The following CRACDL variants were observed in gnomAD, a reference collection of about 807,000 sequenced individuals.
CRACDL encodes the protein CRACD like.
A neutral mutation model predicts 70.6 loss-of-function variants in CRACDL; 26 were observed. The observed-to-expected ratio is 0.37, with a 90% CI of 0.27 to 0.51. The LOEUF (loss-of-function observed/expected upper bound fraction) is 0.51. Ranked by LOEUF, CRACDL falls within the 20% of genes least tolerant of loss-of-function variation. The probability of loss-of-function intolerance (pLI) is 0.94; values close to 1 mark genes in which losing one functional copy is unlikely to be tolerated. For synonymous variants in CRACDL, 618 were observed against 615.2 expected, an observed-to-expected ratio of 1.00 and a Z score of -0.07; for missense variants, 1,283 against 1,376.9, an observed-to-expected ratio of 0.93 and a Z score of 1.08.
chr2:98,821,874 G>T lies in CRACDL; in HGVS notation c.2399C>A (p.Pro800Gln). ...RKEPRTAEKRPLRRGAEKSLP... is the reference protein window; with the variant it reads ...RKEPRTAEKRQLRRGAEKSLP... ...GCTCTTACCAGCTCCCCTGCGCAGC[G>T]GCCTTTTCTCCGCCGTCCTGGGCTC... is the stretch of plus-strand genomic sequence containing the variant. The change falls in exon 7 of 10, where the codon CCG (proline) becomes CAG (glutamine). Residue 800 changes from proline (P) to glutamine (Q), a missense_variant. This residue lies in a region of CRACDL where 921 missense variants were observed against 881.9 expected (regional missense o/e 1.04). Coordinates refer to ENST00000397899, the MANE Select transcript of CRACDL (RefSeq NM_207362.3). The T allele has an allele frequency of 6.2e-7, 1 of 1,606,990 alleles. No homozygotes were observed.
chr2:98,812,481 T>C (rs1309864347), intron 7 of CRACDL, among the ~76,000 whole-genome samples: 2 of 152,118 alleles, frequency 1.3e-5, no homozygotes, highest in Non-Finnish European at 1.5e-5. Context: ...AATACTCTAA[T>C]GAGAATTGCA....
chr2:98,822,410 C>G lies in CRACDL; in HGVS notation c.1863G>C (p.Glu621Asp). The part of the protein sequence containing the change: ...AALDDLQGLP[E>D]PQHAKPGPRK... ...GAGGGCCAGGTTTCGCGTGCTGGGG[C>G]TCGGGGAGACCCTGGAGGTCGTCAA... Residue 621 changes from glutamate (E) to aspartate (D), a missense_variant, in exon 7 of 10, where the codon GAG becomes GAC. By Grantham distance (45) the Glu-to-Asp change is conservative. This residue lies in a region of CRACDL where 921 missense variants were observed against 881.9 expected (regional missense o/e 1.04). Transcript: ENST00000397899. The surrounding 1 kb of genome is among the most constrained non-coding windows in gnomAD (Gnocchi z 4.9). The G allele has an allele frequency of 6.7e-7, 1 of 1,483,992 alleles. No individual in the cohort carries two copies. The highest frequency in any genetic ancestry group is 8.9e-7 in the Non-Finnish European group (1 of 1,125,830). The allele number at this position is 1,483,992 out of a possible 1,614,324, so 91.9% of individuals were successfully genotyped here. A position where few individuals can be genotyped will look rare whatever the true frequency, so the allele number is the denominator to read the frequency against.
At chr2:98,908,204 C>T (rs1038575505) in intron 1 of CRACDL, among the ~76,000 whole-genome samples, 1 of 152,326 alleles carries the variant, frequency 6.6e-6, no homozygotes, top group Non-Finnish European at 1.5e-5. Flanking sequence ...CTGGCTGTCT[C>T]AACTGGGAGG....
intron 1 of CRACDL, among the ~76,000 whole-genome samples, chr2:98,900,968 C>G (rs1558631126): frequency 6.6e-6 from 1 of 152,204 alleles, no homozygotes; most frequent in East Asian, 1.9e-4. Flanking sequence ...TGAAGGAAGT[C>G]AAGCTCCAGA....
chr2:98,800,307 G>A (rs578180240), intron 7 of CRACDL, among the ~76,000 whole-genome samples: 8 of 152,306 alleles, frequency 5.3e-5, no homozygotes, highest in Non-Finnish European at 1.2e-4. Context: ...TTCTGGGTTG[G>A]GATCTGGAGA....
chr2:98,832,814 T>G (rs772448317), intron 4 of CRACDL, 48 bp downstream of exon 4: 6 of 1,608,106 alleles, frequency 3.7e-6, no homozygotes, highest in Non-Finnish European at 1.7e-6. Flanking sequence ...AACTTCTTGA[T>G]GGATATTTGA....
chr2:98,901,389 TA>T (rs1445732041), intron 1 of CRACDL, among the ~76,000 whole-genome samples: 1 of 152,120 alleles, frequency 6.6e-6, no homozygotes, highest in Non-Finnish European at 1.5e-5. Context: ...ATCTTCTATA[TA>T]CAGATCACAG....
chr2:98,910,135 A>T (rs1020836187), intron 1 of CRACDL, among the ~76,000 whole-genome samples: 1 of 151,990 alleles, frequency 6.6e-6, no homozygotes, highest in Non-Finnish European at 1.5e-5. Flanking sequence ...GAGACCTCTT[A>T]CCAAGGGGGC....
intron 3 of CRACDL, among the ~76,000 whole-genome samples, chr2:98,833,546 T>G (rs1380699810): frequency 6.6e-6 from 1 of 152,246 alleles, no homozygotes; most frequent in South Asian, 2.1e-4. Flanking sequence ...TTTTATGACC[T>G]GGCACCATCT....
At chr2:98,886,452 C>T (rs773547279) in intron 1 of CRACDL, among the ~76,000 whole-genome samples, 9 of 152,180 alleles carry the variant, frequency 5.9e-5, no homozygotes, top group South Asian at 4.1e-4. Context: ...ATATCACCTG[C>T]GCATATACTC....
intron 1 of CRACDL, among the ~76,000 whole-genome samples, chr2:98,891,311 AGGCTG>A (rs57537866): frequency 0.042 from 5,963 of 142,558 alleles, 322 homozygotes; most frequent in East Asian, 0.14. Context: ...TCGGAGGCAG[AGGCTG>A]CAGTGAGCCA....
At chr2:98,827,834 G>A (rs888878950) in intron 5 of CRACDL, among the ~76,000 whole-genome samples, 1 of 152,156 alleles carries the variant, frequency 6.6e-6, no homozygotes, top group Admixed American at 6.5e-5. Flanking sequence ...ACAGTCACCT[G>A]GTCCTGTCTC....
At chr2:98,930,721 G>A (rs181195294) in intron 1 of CRACDL, among the ~76,000 whole-genome samples, 48 of 152,232 alleles carry the variant, frequency 3.2e-4, no homozygotes, top group Middle Eastern at 6.8e-3. Flanking sequence ...GGAGCACTGT[G>A]TATGGCAGTT....
At chr2:98,830,576 A>G (rs1468176707) in intron 5 of CRACDL, among the ~76,000 whole-genome samples, 1 of 152,246 alleles carries the variant, frequency 6.6e-6, no homozygotes, top group African/African-American at 2.4e-5. Flanking sequence ...AAGACACTAA[A>G]GATTACCTTT....
chr2:98,822,387 G>C lies in CRACDL; in HGVS notation c.1886C>G (p.Pro629Arg). ...AGGGCCGCGCTCCGCCAGCTTCCGA[G>C]GGCCAGGTTTCGCGTGCTGGGGCTC... is the stretch of plus-strand genomic sequence containing the variant. ...LPEPQHAKPG[P>R]RKLAERGPQD... The change falls in exon 7 of 10, where the codon CCT (proline) becomes CGT (arginine). Residue 629 changes from proline (P) to arginine (R), a missense_variant. Pro to Arg is a moderately radical substitution (Grantham distance 103, BLOSUM62 -2). Transcript: ENST00000397899. The surrounding 1 kb of genome is among the most constrained non-coding windows in gnomAD (Gnocchi z 4.9). 6.8e-7 allele frequency: 1 copy of C among 1,478,242 alleles called. No individual in the cohort carries two copies. 91.6% of individuals were successfully genotyped at this position (1,478,242 alleles called of 1,614,324 possible).
intron 2 of CRACDL, among the ~76,000 whole-genome samples, chr2:98,844,949 GGTTTACCCCTA>G (rs1168905618): frequency 6.6e-6 from 1 of 152,104 alleles, no homozygotes; most frequent in East Asian, 1.9e-4. Flanking sequence ...CAAAAGGGTT[GGTTTACCCCTA>G]GTTCACACCT....
In CRACDL at chr2:98,822,603, G is replaced by T. The variant is rs1224981910; in HGVS notation, c.1670C>A (p.Pro557Gln). The T allele has an allele frequency of 7.2e-7, 1 of 1,396,866 alleles. No homozygotes were observed. Among genetic ancestry groups the T allele is most frequent in the Admixed American group, 3.3e-5 (1 of 30,316 alleles). The allele number at this position is 1,396,866 out of a possible 1,614,324, so 86.5% of individuals were successfully genotyped here. A position where few individuals can be genotyped will look rare whatever the true frequency, so the allele number is the denominator to read the frequency against. Residue 557 changes from proline to glutamine, a missense_variant, in exon 7 of 10, where the codon CCA becomes CAA. Around this residue, in one of 2 missense-constraint regions of CRACDL, gnomAD observed 921 missense variants for 881.9 expected, o/e 1.04. Transcript: ENST00000397899. The surrounding 1 kb of genome is among the most constrained non-coding windows in gnomAD (Gnocchi z 4.9). ...APPAGAERAAPERKAERGGAE... is the reference protein window; with the variant it reads ...APPAGAERAAQERKAERGGAE... Reference sequence around the variant, plus strand: ...ACCGCCCCTCTCCGCCTTCCGCTCTGGCGCCGCCCTCTCGGCGCCCGCCGG... The same window carrying T: ...ACCGCCCCTCTCCGCCTTCCGCTCTTGCGCCGCCCTCTCGGCGCCCGCCGG...
At chr2:98,806,983 G>T (rs1421981672) in intron 7 of CRACDL, among the ~76,000 whole-genome samples, 1 of 152,104 alleles carries the variant, frequency 6.6e-6, no homozygotes, top group Non-Finnish European at 1.5e-5. Flanking sequence ...CACTAGTCAG[G>T]TAGGGAAGTT....
chr2:98,884,965 T>C (rs757672260), intron 1 of CRACDL, among the ~76,000 whole-genome samples: 1 of 152,172 alleles, frequency 6.6e-6, no homozygotes, highest in Non-Finnish European at 1.5e-5. Context: ...GAGAGTGCAG[T>C]CAGATCCTGT....
Sources: gnomAD v4.1 joint callset for allele counts (sites outside exome capture counted in the v4.1 genomes callset) on GRCh38, gnomAD v4.1.1 for gene constraint, gnomAD v4.1.1 regional missense constraint, Gnocchi (gnomAD v3.1) non-coding constraint, MANE v1.5 for transcripts, NCBI Gene and HGNC (gene_info 2026-07-23, HGNC 2026-07-21) for gene names.